LRRC7: variants seen among roughly 807,000 people sequenced by gnomAD.
LRRC7 encodes leucine rich repeat containing 7.
In LRRC7, 23 loss-of-function variants were observed where a neutral mutation model predicts 175.7. That is an observed-to-expected ratio of 0.13 (90% CI 0.09 to 0.19). The LOEUF is 0.19. LRRC7 is among the 10% of genes least tolerant of loss of function. LRRC7 has a pLI of 1.00. For synonymous variants in LRRC7, 685 were observed against 680.9 expected, an observed-to-expected ratio of 1.01 and a Z score of -0.09; for missense variants, 1,354 against 1,904.7, an observed-to-expected ratio of 0.71 and a Z score of 5.38.
chr1:69,799,679 C>T (rs1040159131), intron 4 of LRRC7, among the ~76,000 whole-genome samples: 2 of 152,030 alleles, frequency 1.3e-5, no homozygotes, highest in Non-Finnish European at 2.9e-5. Context: ...ATTCTGCAGA[C>T]TTTCTGTTCA....
intron 8 of LRRC7, among the ~76,000 whole-genome samples, chr1:69,967,394 A>T (rs763738949): frequency 6.6e-6 from 1 of 151,918 alleles, no homozygotes; most frequent in Admixed American, 6.6e-5. Flanking sequence ...AGGGCAGTAT[A>T]CTCTTGGGAG....
At chr1:70,062,961 G>C (rs560103839) in intron 23 of LRRC7, among the ~76,000 whole-genome samples, 2 of 152,120 alleles carry the variant, frequency 1.3e-5, no homozygotes, top group South Asian at 4.1e-4. Context: ...ATAAAATATT[G>C]TTTAATTTAC....
At chr1:69,714,716 G>A (rs1347299826) in intron 2 of LRRC7, among the ~76,000 whole-genome samples, 1 of 151,964 alleles carries the variant, frequency 6.6e-6, no homozygotes, top group Non-Finnish European at 1.5e-5. Context: ...TTGAAAAACT[G>A]TTGTGGGTAA....
At chr1:70,062,082 A>G (rs970939) in intron 23 of LRRC7, among the ~76,000 whole-genome samples, 3,887 of 152,164 alleles carry the variant, frequency 0.026, 191 homozygotes, top group African/African-American at 0.09. Flanking sequence ...CCAAACACCA[A>G]TAGGAGGCTT....
chr1:69,690,606 C>G (rs893608393), intron 2 of LRRC7, among the ~76,000 whole-genome samples: 3 of 152,150 alleles, frequency 2.0e-5, no homozygotes, highest in Non-Finnish European at 4.4e-5. Context: ...TTCCCTGATG[C>G]CTCTCCTCCT....
At chr1:69,805,760 T>C (rs1677045286) in intron 4 of LRRC7, among the ~76,000 whole-genome samples, 1 of 151,916 alleles carries the variant, frequency 6.6e-6, no homozygotes, top group South Asian at 2.1e-4. Context: ...TTCAGCTTAA[T>C]GCTGGAACTT....
At chr1:69,950,297 G>C (rs972940199) in intron 8 of LRRC7, among the ~76,000 whole-genome samples, 1 of 152,076 alleles carries the variant, frequency 6.6e-6, no homozygotes, top group African/African-American at 2.4e-5. Flanking sequence ...GAAAGGCAGA[G>C]AGGTCCAGGG....
chr1:69,672,798 C>G (rs1659264108), intron 1 of LRRC7, among the ~76,000 whole-genome samples: 1 of 152,114 alleles, frequency 6.6e-6, no homozygotes, highest in Non-Finnish European at 1.5e-5. Context: ...ATTCCCTGAT[C>G]CAACTGAGTC....
rs916025686 is a variant in LRRC7, at chr1:69,674,507, A to G, written c.3-3874A>G. Among the ~76,000 whole-genome samples the G allele has an allele frequency of 3.3e-5, 5 of 152,148 alleles. No individual in the cohort carries two copies. The East Asian group carries it at 7.7e-4, about 23-fold the overall frequency. On this transcript the variant is annotated intron_variant, in intron 1 of 26. Coordinates refer to ENST00000651989, the MANE Select transcript of LRRC7 (RefSeq NM_001370785.2). ...AAGTAAATGGTAAATATATTACAAA[A>G]TATTTTAATTGTTTCTAAGGTCCAA...
intron 3 of LRRC7, among the ~76,000 whole-genome samples, chr1:69,768,281 A>G (rs1481240689): frequency 6.6e-6 from 1 of 152,174 alleles, no homozygotes; most frequent in African/African-American, 2.4e-5. Context: ...CAGTTTGGCC[A>G]CATGAATGCC....
At chr1:69,991,423 C>T (rs577479276) in intron 10 of LRRC7, among the ~76,000 whole-genome samples, 42 of 152,210 alleles carry the variant, frequency 2.8e-4, no homozygotes, top group African/African-American at 9.4e-4. Flanking sequence ...TAGCTTACTC[C>T]TTGAACTATC....
chr1:70,064,938 A>C (rs17462162), intron 23 of LRRC7, among the ~76,000 whole-genome samples: 8,017 of 151,870 alleles, frequency 0.053, 292 homozygotes, highest in South Asian at 0.1. Flanking sequence ...CCTTTTCTTC[A>C]TATTGAATTT....
intron 7 of LRRC7, among the ~76,000 whole-genome samples, chr1:69,913,256 G>A (rs893647974): frequency 1.3e-5 from 2 of 152,024 alleles, no homozygotes; most frequent in African/African-American, 4.8e-5. Context: ...GTTTAATTTG[G>A]TCACATATCC....
intron 4 of LRRC7, among the ~76,000 whole-genome samples, chr1:69,813,934 T>C (rs1421064638): frequency 2.6e-5 from 4 of 152,154 alleles, no homozygotes; most frequent in Non-Finnish European, 1.5e-5. Flanking sequence ...ATTTATTCCA[T>C]GTCTGAATGA....
rs745913345 is a variant in LRRC7 at position 69,834,780 on chromosome 1, A to G, written c.501A>G (p.Lys167=). ...IIEASVNPIS[K]LPDGFTQLLN... is the part of the protein sequence containing the mutation. ...GACTAAAACTTTAACTCCTTTTTAG[A>G]CTACCTGATGGCTTCACACAGCTCC... Residue 167 remains lysine (K), a splice_region_variant and synonymous_variant, in exon 6 of 27, where the codon AAA becomes AAG. Coordinates refer to ENST00000651989, the MANE Select transcript of LRRC7 (RefSeq NM_001370785.2). The G allele has an allele frequency of 6.2e-7, 1 of 1,612,148 alleles. No individual in the cohort carries two copies. Among genetic ancestry groups the G allele is most frequent in the Non-Finnish European group, 8.5e-7 (1 of 1,178,562 alleles).
At chr1:69,690,510 T>C (rs1156407674) in intron 2 of LRRC7, among the ~76,000 whole-genome samples, 1 of 152,218 alleles carries the variant, frequency 6.6e-6, no homozygotes, top group Admixed American at 6.5e-5. Flanking sequence ...TGAAGGATTT[T>C]TTTGAATAAA....
chr1:69,778,905 T>C (rs939675914), intron 3 of LRRC7, among the ~76,000 whole-genome samples: 17 of 148,192 alleles, frequency 1.1e-4, no homozygotes, highest in East Asian at 4.0e-4. Context: ...CATATATATA[T>C]ACACACACAT....
intron 23 of LRRC7, among the ~76,000 whole-genome samples, chr1:70,058,252 T>G (rs1344138187): frequency 1.3e-5 from 2 of 152,162 alleles, no homozygotes; most frequent in Non-Finnish European, 2.9e-5. Flanking sequence ...TCAAGTGATC[T>G]GCCCACCTCA....
chr1:69,746,681 G>A (rs1165287449), intron 2 of LRRC7, among the ~76,000 whole-genome samples: 1 of 151,854 alleles, frequency 6.6e-6, no homozygotes, highest in African/African-American at 2.4e-5. Context: ...GACAGTCTGT[G>A]GTCTAATAAA....
Sources: allele counts gnomAD v4.1 joint callset (sites outside exome capture counted in the v4.1 genomes callset), GRCh38; gene constraint gnomAD v4.1.1; transcripts MANE v1.5; gene names NCBI Gene and HGNC (gene_info 2026-07-23, HGNC 2026-07-21).